FOXQ1: variants seen among roughly 807,000 people sequenced by gnomAD.
The protein encoded by FOXQ1 is forkhead box protein Q1.
Under a neutral mutation model 0.6 loss-of-function variants are expected in FOXQ1, and 1 was observed. The ratio of observed to expected loss-of-function variants is 1.73; its 90% CI spans 0.61 to 8.20. FOXQ1 has a LOEUF of 8.20. Ranked by LOEUF, FOXQ1 falls within the 30% of genes most tolerant of loss-of-function variation. The probability of loss-of-function intolerance (pLI) is 0.13; values close to 1 mark genes in which losing one functional copy is unlikely to be tolerated. For synonymous variants in FOXQ1, 377 were observed against 294.4 expected, an observed-to-expected ratio of 1.28 and a Z score of -2.87; for missense variants, 734 against 595.6, an observed-to-expected ratio of 1.23 and a Z score of -2.42.
Position 1,312,735 on chromosome 6 carries a change from GC to G in FOXQ1, c.34del (p.His12ThrfsTer129). 7.4e-7 allele frequency: 1 copy of G among 1,355,152 alleles called. No individual in the cohort carries two copies. The highest frequency in any genetic ancestry group is 9.5e-7 in the Non-Finnish European group (1 of 1,056,982). The allele number at this position is 1,355,152 out of a possible 1,614,324, so 83.9% of individuals were successfully genotyped here. On this transcript the variant is annotated frameshift_variant, in exon 1 of 1. Coordinates refer to ENST00000296839, the MANE Select transcript of FOXQ1 (RefSeq NM_033260.4). LOFTEE classifies it low-confidence loss of function (END_TRUNC). ...GTTGGAGGTGTTCGTCCCTCGCGCG[GC>G]CCACGGGGACAAGCAGGGCAGTGAC... MKLEVFVPRAAHGDKQGSDLE... is the reference protein window; with the variant it reads MKLEVFVPRAXHGDKQGSDLE...
Position 1,313,747 on chromosome 6 carries a change from T to G in FOXQ1, c.1043T>G (p.Leu348Arg), listed in dbSNP as rs935937164. The G allele has an allele frequency of 2.5e-6, 3 of 1,191,626 alleles. No homozygotes were observed. The highest frequency in any genetic ancestry group is 1.6e-5 in the African/African-American group (1 of 62,082). 73.8% of individuals were successfully genotyped at this position (1,191,626 alleles called of 1,614,324 possible). ...EAEVPPTAPPLLLAPLPAAAP... is the reference protein window; with the variant it reads ...EAEVPPTAPPRLLAPLPAAAP... ...GAGGTGCCACCGACCGCGCCGCCCC[T>G]CCTGCTTGCACCTCTCCCGGCGGCG... The change falls in exon 1 of 1, where the codon CTC (leucine) becomes CGC (arginine). Residue 348 changes from leucine (L) to arginine (R), a missense_variant. Physicochemically the swap from Leu to Arg is moderately radical, Grantham distance 102. Coordinates refer to ENST00000296839, the MANE Select transcript of FOXQ1 (RefSeq NM_033260.4). This position sits in a 1 kb window ranked among gnomAD's most constrained non-coding sequence, Gnocchi z 5.2.
rs1757603863 is a variant in FOXQ1, at chr6:1,314,126, A to T, written c.*210A>T. On this transcript the variant is annotated 3_prime_UTR_variant, in exon 1 of 1. Transcript: ENST00000296839. ...GTGTTTTATAACTTTACAGAGGACC[A>T]AAGCAATTCTTGTTTTAGTTTCTTT... 1 of 687,346 alleles carries T rather than the reference A, an allele frequency of 1.5e-6. No individual in the cohort carries two copies. Among genetic ancestry groups the T allele is most frequent in the South Asian group, 7.6e-5 (1 of 13,158 alleles). 42.6% of individuals were successfully genotyped at this position (687,346 alleles called of 1,614,324 possible). A position where few individuals can be genotyped will look rare whatever the true frequency, so the allele number is the denominator to read the frequency against.
Position 1,313,528 on chromosome 6 carries a change from G to C in FOXQ1, c.824G>C (p.Ser275Thr). ...TTCTCCAGCTCCTTCGCCATCGACA[G>C]CATCCTGCGCAAGCCCTTCCGCAGC... ...GKFSSSFAID[S>T]ILRKPFRSRR... The change falls in exon 1 of 1, where the codon AGC (serine) becomes ACC (threonine). Residue 275 changes from serine (S) to threonine (T), a missense_variant. Ser to Thr is a moderately conservative substitution (Grantham distance 58). Transcript: ENST00000296839. This position sits in a 1 kb window ranked among gnomAD's most constrained non-coding sequence, Gnocchi z 5.2. 1.6e-6 allele frequency: 2 copies of C among 1,264,446 alleles called. No homozygotes were observed. The highest frequency in any genetic ancestry group is 2.0e-6 in the Non-Finnish European group (2 of 983,704). 78.3% of individuals were successfully genotyped at this position (1,264,446 alleles called of 1,614,324 possible). A position where few individuals can be genotyped will look rare whatever the true frequency, so the allele number is the denominator to read the frequency against.
rs1304733547 is a variant in FOXQ1 at position 1,312,677 on chromosome 6, A to C, written c.-28A>C. On this transcript the variant is annotated 5_prime_UTR_variant, in exon 1 of 1. Transcript: ENST00000296839. ...AGGCTGCGCGAAGGAAGAGGGTACG[A>C]CGCCGGGGAGGGACTGGGTGCGCGG... 2.8e-5 allele frequency: 37 copies of C among 1,302,700 alleles called. No individual in the cohort carries two copies. Among genetic ancestry groups the C allele is most frequent in the Non-Finnish European group, 3.5e-5 (36 of 1,029,028 alleles). 80.7% of individuals were successfully genotyped at this position (1,302,700 alleles called of 1,614,324 possible). A position where few individuals can be genotyped will look rare whatever the true frequency, so the allele number is the denominator to read the frequency against.
rs2113293528 is a variant in FOXQ1, at chr6:1,313,925, G to T, written c.*9G>T. ...AGACGCTCCTAGCCTGAGTAGCGCC[G>T]CGGGGCCCGGGAACGCCGAGTGCGC... On this transcript the variant is annotated 3_prime_UTR_variant, in exon 1 of 1. Transcript: ENST00000296839. This position sits in a 1 kb window ranked among gnomAD's most constrained non-coding sequence, Gnocchi z 5.2. The T allele has an allele frequency of 8.1e-7, 1 of 1,228,656 alleles. No individual in the cohort carries two copies. The highest frequency in any genetic ancestry group is 3.2e-5 in the East Asian group (1 of 31,130). 76.1% of individuals were successfully genotyped at this position (1,228,656 alleles called of 1,614,324 possible).
In FOXQ1 at chr6:1,314,156, A is replaced by G. The variant is rs1301264111; in HGVS notation, c.*240A>G. ...AATTCTTGTTTTAGTTTCTTTGCGA[A>G]GCCTGCTCCTCCTTCCCTTCATAAG... On this transcript the variant is annotated 3_prime_UTR_variant, in exon 1 of 1. Transcript: ENST00000296839. 11 of 465,912 alleles carry G rather than the reference A, an allele frequency of 2.4e-5. No homozygotes were observed. The allele number at this position is 465,912 out of a possible 1,614,324, so 28.9% of individuals were successfully genotyped here. A position where few individuals can be genotyped will look rare whatever the true frequency, so the allele number is the denominator to read the frequency against.
rs367599316 is a variant in FOXQ1 at position 1,313,048 on chromosome 6, C to G, written c.344C>G (p.Thr115Arg). The stretch of plus-strand genomic sequence containing the variant: ...GAGGGTGCACGCAGCAAGCCATATA[C>G]GCGGCGGCCCAAGCCCCCCTACTCG... The part of the protein sequence containing the change: ...SGEGARSKPY[T>R]RRPKPPYSYI... The change falls in exon 1 of 1, where the codon ACG (threonine) becomes AGG (arginine). Residue 115 changes from threonine (T) to arginine (R), a missense_variant. Physicochemically the swap from Thr to Arg is moderately conservative, Grantham distance 71. Transcript: ENST00000296839. The surrounding 1 kb of genome is among the most constrained non-coding windows in gnomAD (Gnocchi z 5.2). 1 of 1,588,446 alleles carries G rather than the reference C, an allele frequency of 6.3e-7. No individual in the cohort carries two copies. Among genetic ancestry groups the G allele is most frequent in the Non-Finnish European group, 8.6e-7 (1 of 1,167,834 alleles).
rs1339276116 is a variant in FOXQ1, at chr6:1,312,782, C to G, written c.78C>G (p.Ser26Arg). The G allele has an allele frequency of 1.5e-6, 2 of 1,308,690 alleles. No homozygotes were observed. Among genetic ancestry groups the G allele is most frequent in the East Asian group, 6.2e-5 (2 of 32,168 alleles). 81.1% of individuals were successfully genotyped at this position (1,308,690 alleles called of 1,614,324 possible). A position where few individuals can be genotyped will look rare whatever the true frequency, so the allele number is the denominator to read the frequency against. Residue 26 changes from serine (S) to arginine (R), a missense_variant, in exon 1 of 1, where the codon AGC becomes AGG. Transcript: ENST00000296839. Reference sequence around the variant, plus strand: ...GTGACCTGGAGGGCGCGGGCGGCAGCGACGCGCCGTCCCCGCTGTCGGCGG... The same window carrying G: ...GTGACCTGGAGGGCGCGGGCGGCAGGGACGCGCCGTCCCCGCTGTCGGCGG... ...QGSDLEGAGG[S>R]DAPSPLSAAG...
At position 1,313,794 on chromosome 6, in the gene FOXQ1, G is replaced by A. The variant is rs1356880295; in HGVS notation, c.1090G>A (p.Gly364Ser). The change falls in exon 1 of 1, where the codon GGC becomes AGC. Residue 364 changes from glycine to serine, a missense_variant. Transcript: ENST00000296839. This position sits in a 1 kb window ranked among gnomAD's most constrained non-coding sequence, Gnocchi z 5.2. ...GGCGGCCCCCGCCAAGCCACTCCGAGGCCCGGCGGCCGGCGGCGCGCACCT... is the reference window on the plus strand; with the variant it reads ...GGCGGCCCCCGCCAAGCCACTCCGAAGCCCGGCGGCCGGCGGCGCGCACCT... ...PAAAPAKPLR[G>S]PAAGGAHLYC... 2 of 1,270,776 alleles carry A rather than the reference G, an allele frequency of 1.6e-6. No individual in the cohort carries two copies. The highest frequency in any genetic ancestry group is 1.6e-5 in the African/African-American group (1 of 64,056). 78.7% of individuals were successfully genotyped at this position (1,270,776 alleles called of 1,614,324 possible).
Position 1,312,600 on chromosome 6 carries a change from C to T in FOXQ1, c.-105C>T. Reference sequence around the variant, plus strand: ...GGGTAGAGCTCCCGGGAGAAAAAGGCGAAGATCCCCGGCCCCGGATCGCCA... The same window carrying T: ...GGGTAGAGCTCCCGGGAGAAAAAGGTGAAGATCCCCGGCCCCGGATCGCCA... On this transcript the variant is annotated 5_prime_UTR_variant, in exon 1 of 1. Transcript: ENST00000296839. 2 of 1,249,620 alleles carry T rather than the reference C, an allele frequency of 1.6e-6. No homozygotes were observed. Among genetic ancestry groups the T allele is most frequent in the African/African-American group, 3.1e-5 (2 of 64,546 alleles). The allele number at this position is 1,249,620 out of a possible 1,614,324, so 77.4% of individuals were successfully genotyped here.
chr6:1,313,274 G>C lies in FOXQ1; in HGVS notation c.570G>C (p.Lys190Asn). Reference sequence around the variant, plus strand: ...GCGACCCCTCGCGGCCCTGGGGCAAGGACAACTACTGGATGCTCAACCCCA... The same window carrying C: ...GCGACCCCTCGCGGCCCTGGGGCAACGACAACTACTGGATGCTCAACCCCA... ...VLRDPSRPWG[K>N]DNYWMLNPNS... The change falls in exon 1 of 1, where the codon AAG (lysine) becomes AAC (asparagine). Residue 190 changes from lysine (K) to asparagine (N), a missense_variant. Transcript: ENST00000296839. This position sits in a 1 kb window ranked among gnomAD's most constrained non-coding sequence, Gnocchi z 5.2. 1 of 1,610,092 alleles carries C rather than the reference G, an allele frequency of 6.2e-7. No homozygotes were observed. The highest frequency in any genetic ancestry group is 8.5e-7 in the Non-Finnish European group (1 of 1,178,752).
In FOXQ1 at chr6:1,313,866, C is replaced by G; in HGVS notation, c.1162C>G (p.Arg388Gly). 1 of 1,312,876 alleles carries G rather than the reference C, an allele frequency of 7.6e-7. No homozygotes were observed. The highest frequency in any genetic ancestry group is 9.6e-7 in the Non-Finnish European group (1 of 1,036,452). 81.3% of individuals were successfully genotyped at this position (1,312,876 alleles called of 1,614,324 possible). A position where few individuals can be genotyped will look rare whatever the true frequency, so the allele number is the denominator to read the frequency against. ...LPAALQAASV[R>G]RPGPHLPYPV... is the part of the protein sequence containing the mutation. ...CGCAGCCCTGCAGGCGGCCTCAGTC[C>G]GCCGCCCTGGCCCGCACCTGCCGTA... The change falls in exon 1 of 1, where the codon CGC (arginine) becomes GGC (glycine). Residue 388 changes from arginine to glycine, a missense_variant. Arg to Gly is a moderately radical substitution (Grantham distance 125, BLOSUM62 -2). Coordinates refer to ENST00000296839, the MANE Select transcript of FOXQ1 (RefSeq NM_033260.4). This position sits in a 1 kb window ranked among gnomAD's most constrained non-coding sequence, Gnocchi z 5.2.
chr6:1,312,773 G>T lies in FOXQ1; in HGVS notation c.69G>T (p.Ala23=), dbSNP rs1353584456. 7.6e-7 allele frequency: 1 copy of T among 1,315,424 alleles called. No individual in the cohort carries two copies. The highest frequency in any genetic ancestry group is 9.7e-7 in the Non-Finnish European group (1 of 1,034,288). 81.5% of individuals were successfully genotyped at this position (1,315,424 alleles called of 1,614,324 possible). A position where few individuals can be genotyped will look rare whatever the true frequency, so the allele number is the denominator to read the frequency against. ...AGCAGGGCAGTGACCTGGAGGGCGC[G>T]GGCGGCAGCGACGCGCCGTCCCCGC... The part of the protein sequence containing the change: ...GDKQGSDLEG[A]GGSDAPSPLS... The change falls in exon 1 of 1, where the codon GCG becomes GCT. Residue 23 remains alanine, a synonymous_variant. Transcript: ENST00000296839.
chr6:1,312,236 G>A lies in FOXQ1; in HGVS notation c.-469G>A, dbSNP rs1757557770. Among the ~76,000 whole-genome samples the A allele has an allele frequency of 6.6e-6, 1 of 152,228 alleles. No homozygotes were observed. Among genetic ancestry groups the A allele is most frequent in the Non-Finnish European group, 1.5e-5 (1 of 68,036 alleles). ...AAGGCGCCGGACCTTCCCCCACGGT[G>A]GCACGCACATCATCCGGCACCATTT... is the stretch of plus-strand genomic sequence containing the variant. On this transcript the variant is annotated 5_prime_UTR_variant, in exon 1 of 1. Coordinates refer to ENST00000296839, the MANE Select transcript of FOXQ1 (RefSeq NM_033260.4).
Position 1,312,481 on chromosome 6 carries a change from T to G in FOXQ1, c.-224T>G, listed in dbSNP as rs1007293542. On this transcript the variant is annotated 5_prime_UTR_variant, in exon 1 of 1. Coordinates refer to ENST00000296839, the MANE Select transcript of FOXQ1 (RefSeq NM_033260.4). ...AGGCGACACCCACCCAACTCCTCCC[T>G]CTCCGCCCCATAGTCCACCCAACAC... The G allele has an allele frequency of 1.8e-5, 11 of 616,690 alleles. No homozygotes were observed. The highest frequency in any genetic ancestry group is 2.6e-5 in the Non-Finnish European group (11 of 430,234). 38.2% of individuals were successfully genotyped at this position (616,690 alleles called of 1,614,324 possible).
In FOXQ1 at chr6:1,313,589, TC is replaced by T; in HGVS notation, c.886del (p.Gln296SerfsTer107). On this transcript the variant is annotated frameshift_variant, in exon 1 of 1. Coordinates refer to ENST00000296839, the MANE Select transcript of FOXQ1 (RefSeq NM_033260.4). LOFTEE classifies it low-confidence loss of function (END_TRUNC). This position sits in a 1 kb window ranked among gnomAD's most constrained non-coding sequence, Gnocchi z 5.2. Reference protein sequence around the residue: ...LRDTAPGTTLQWGAAPCPPLP... With the variant: ...LRDTAPGTTLXWGAAPCPPLP... Reference sequence around the variant, plus strand: ...GGGACACGGCCCCCGGGACGACGCTTCAGTGGGGCGCCGCGCCCTGCCCGCC... The same window carrying T: ...GGGACACGGCCCCCGGGACGACGCTTAGTGGGGCGCCGCGCCCTGCCCGCC... 2 of 1,170,664 alleles carry T rather than the reference TC, an allele frequency of 1.7e-6. No homozygotes were observed. Among genetic ancestry groups the T allele is most frequent in the Non-Finnish European group, 2.1e-6 (2 of 937,692 alleles). The allele number at this position is 1,170,664 out of a possible 1,614,324, so 72.5% of individuals were successfully genotyped here.
At position 1,313,555 on chromosome 6, in the gene FOXQ1, G is replaced by A. The variant is rs1339936496; in HGVS notation, c.851G>A (p.Arg284His). The change falls in exon 1 of 1, where the codon CGC becomes CAC. Residue 284 changes from arginine (R) to histidine (H), a missense_variant. Arg to His is a conservative substitution (Grantham distance 29). Transcript: ENST00000296839. The surrounding 1 kb of genome is among the most constrained non-coding windows in gnomAD (Gnocchi z 5.2). ...DSILRKPFRS[R>H]RLRDTAPGTT... is the part of the protein sequence containing the mutation. The stretch of plus-strand genomic sequence containing the variant: ...ATCCTGCGCAAGCCCTTCCGCAGCC[G>A]CCGCCTCAGGGACACGGCCCCCGGG... 5 of 1,260,260 alleles carry A rather than the reference G, an allele frequency of 4.0e-6. No homozygotes were observed. The highest frequency in any genetic ancestry group is 5.6e-5 in the Admixed American group (2 of 35,622). 78.1% of individuals were successfully genotyped at this position (1,260,260 alleles called of 1,614,324 possible). A position where few individuals can be genotyped will look rare whatever the true frequency, so the allele number is the denominator to read the frequency against.
At position 1,312,890 on chromosome 6, in the gene FOXQ1, C is replaced by G; in HGVS notation, c.186C>G (p.Gly62=). 1 of 1,278,354 alleles carries G rather than the reference C, an allele frequency of 7.8e-7. No homozygotes were observed. The highest frequency in any genetic ancestry group is 9.9e-7 in the Non-Finnish European group (1 of 1,014,982). 79.2% of individuals were successfully genotyped at this position (1,278,354 alleles called of 1,614,324 possible). A position where few individuals can be genotyped will look rare whatever the true frequency, so the allele number is the denominator to read the frequency against. ...AAGGGARDTQ[G]DGEQSAGGGP... ...GCGGCGGCGCCAGAGATACGCAGGG[C>G]GACGGCGAACAGAGTGCGGGAGGCG... The change falls in exon 1 of 1, where the codon GGC becomes GGG. Residue 62 remains glycine (G), a synonymous_variant. Transcript: ENST00000296839.
chr6:1,313,108 C>CGGCG lies in FOXQ1; in HGVS notation c.413_416dup (p.Leu140AlafsTer310), dbSNP rs2113291686. On this transcript the variant is annotated frameshift_variant, in exon 1 of 1. Transcript: ENST00000296839. LOFTEE classifies it low-confidence loss of function (END_TRUNC). This position sits in a 1 kb window ranked among gnomAD's most constrained non-coding sequence, Gnocchi z 5.2. ...CTCATCGCCATGGCCATCCGCGACT[C>CGGCG]GGCGGGCGGGCGCTTGACGCTGGCG... is the stretch of plus-strand genomic sequence containing the variant. 6.2e-7 allele frequency: 1 copy of CGGCG among 1,606,738 alleles called. No individual in the cohort carries two copies. The highest frequency in any genetic ancestry group is 2.3e-5 in the East Asian group (1 of 44,174).
Sources: allele counts gnomAD v4.1 joint callset (sites outside exome capture counted in the v4.1 genomes callset), GRCh38; gene constraint gnomAD v4.1.1; non-coding constraint Gnocchi (gnomAD v3.1); transcripts MANE v1.5; gene names NCBI Gene and HGNC (gene_info 2026-07-23, HGNC 2026-07-21).